The following MTA1 variants were observed in gnomAD, a reference collection of about 807,000 sequenced individuals.
MTA1 encodes metastasis-associated protein MTA1.
MTA1 carries 15 observed loss-of-function variants against 97.0 expected under a neutral mutation model. That is an observed-to-expected ratio of 0.15 (90% confidence interval 0.10 to 0.24). The LOEUF (loss-of-function observed/expected upper bound fraction) is 0.24. Among genes scored for constraint, MTA1 ranks in the 10% least tolerant of loss-of-function variants. The pLI is 1.00. For synonymous variants in MTA1, 435 were observed against 417.5 expected (o/e 1.04, Z -0.51); for missense variants, 709 against 1,015.1 (o/e 0.70, Z 4.10).
intron 1 of MTA1, among the ~76,000 whole-genome samples, chr14:105,427,186 T>C (rs1416226057): frequency 2.0e-5 from 3 of 152,270 alleles, no homozygotes; most frequent in Non-Finnish European, 2.9e-5. Context: ...TTCACACTTA[T>C]GTCACTTTCC....
chr14:105,447,253 G>A (rs1222572480), intron 3 of MTA1, among the ~76,000 whole-genome samples: 1 of 152,226 alleles, frequency 6.6e-6, no homozygotes, highest in Non-Finnish European at 1.5e-5. Flanking sequence ...CCCAGGCTGA[G>A]CGGCCGCAGT....
chr14:105,444,514 C>G (rs2141530308), intron 2 of MTA1, among the ~76,000 whole-genome samples: 1 of 151,784 alleles, frequency 6.6e-6, no homozygotes, highest in East Asian at 1.9e-4. Flanking sequence ...TTAGGTGAGG[C>G]TGGGTGCTGT....
At chr14:105,423,215 A>ATTTTTTTTTTTTT (rs1166908446) in intron 1 of MTA1, among the ~76,000 whole-genome samples, 1 of 113,580 alleles carries the variant, frequency 8.8e-6, no homozygotes. Flanking sequence ...TTTTTGTTTA[A>ATTTTTTTTTTTTT]TTTTTTTTTT....
chr14:105,430,662 G>A (rs2082151543), intron 1 of MTA1, among the ~76,000 whole-genome samples: 1 of 152,150 alleles, frequency 6.6e-6, no homozygotes, highest in African/African-American at 2.4e-5. Flanking sequence ...CATGATGCCC[G>A]TGTAGATGTT....
At chr14:105,457,865 T>C (rs2083210941) in intron 7 of MTA1, among the ~76,000 whole-genome samples, 1 of 151,900 alleles carries the variant, frequency 6.6e-6, no homozygotes, top group African/African-American at 2.4e-5. Flanking sequence ...GCGGAGGTTG[T>C]AGTGAGCCAA....
chr14:105,450,537 C>G (rs1555428427), intron 6 of MTA1, among the ~76,000 whole-genome samples: 1 of 152,168 alleles, frequency 6.6e-6, no homozygotes, highest in Non-Finnish European at 1.5e-5. Flanking sequence ...GAGTTGTGGG[C>G]CAGGAGCTTG....
chr14:105,443,270 G>A (rs760830116), intron 2 of MTA1, among the ~76,000 whole-genome samples: 11 of 152,202 alleles, frequency 7.2e-5, no homozygotes, highest in Admixed American at 6.5e-5. Flanking sequence ...GCGAAGGGGA[G>A]AGGAGATGCA....
chr14:105,452,562 T>A (rs1485225739), intron 6 of MTA1, among the ~76,000 whole-genome samples: 1 of 152,192 alleles, frequency 6.6e-6, no homozygotes, highest in Non-Finnish European at 1.5e-5. Context: ...CACTTACTGT[T>A]GTCCCAGCTA....
intron 1 of MTA1, among the ~76,000 whole-genome samples, chr14:105,430,603 C>T (rs1300422179): frequency 6.6e-6 from 1 of 152,140 alleles, no homozygotes; most frequent in Non-Finnish European, 1.5e-5. Flanking sequence ...TTGCCACAAA[C>T]CTTCAATTTG....
Position 105,420,162 on chromosome 14 carries a change from G to GC in MTA1, c.28+105dup. 2 of 589,270 alleles carry GC rather than the reference G, an allele frequency of 3.4e-6. No homozygotes were observed. Among genetic ancestry groups the GC allele is most frequent in the Non-Finnish European group, 4.2e-6 (2 of 470,898 alleles). The allele number at this position is 589,270 out of a possible 1,614,324, so 36.5% of individuals were successfully genotyped here. On this transcript the variant is annotated intron_variant, in intron 1 of 20. Coordinates refer to ENST00000331320, the MANE Select transcript of MTA1 (RefSeq NM_004689.4). The surrounding 1 kb of genome is among the most constrained non-coding windows in gnomAD (Gnocchi z 5.3). ...CGCCCCTCTGCCCCGCAGGCCCCGCGCCCCCCGCCCGCCCTCGCGGCCCCC... is the reference window on the plus strand; with the variant it reads ...CGCCCCTCTGCCCCGCAGGCCCCGCGCCCCCCCGCCCGCCCTCGCGGCCCCC...
chr14:105,469,118 G>A (rs1555433646), intron 18 of MTA1: 1 of 522,840 alleles, frequency 1.9e-6, no homozygotes, highest in South Asian at 1.5e-5. Flanking sequence ...TGCCGCTGCT[G>A]GACTGACAGC....
intron 18 of MTA1, chr14:105,467,405 G>A (rs782195690): frequency 4.6e-5 from 21 of 455,804 alleles, no homozygotes; most frequent in Middle Eastern, 3.4e-4. Flanking sequence ...CAGCAGGGCC[G>A]GTTTGGCGAC....
At chr14:105,455,418 A>C (rs2083106667) in intron 7 of MTA1, among the ~76,000 whole-genome samples, 1 of 152,156 alleles carries the variant, frequency 6.6e-6, no homozygotes. Context: ...TCCCCTTCTC[A>C]GCCCTGTCCC....
At chr14:105,436,395 T>G (rs1555424386) in intron 1 of MTA1, among the ~76,000 whole-genome samples, 2 of 152,270 alleles carry the variant, frequency 1.3e-5, no homozygotes, top group East Asian at 3.8e-4. Context: ...TATTAAGGCA[T>G]AATTTACATT....
intron 1 of MTA1, among the ~76,000 whole-genome samples, chr14:105,425,488 C>G (rs2081980042): frequency 6.6e-6 from 1 of 152,180 alleles, no homozygotes; most frequent in Non-Finnish European, 1.5e-5. Flanking sequence ...GTTGCCCAGG[C>G]TGGTCTCGAA....
At position 105,462,725 on chromosome 14, in the gene MTA1, C is replaced by T. The variant is rs1461788018; in HGVS notation, c.943-459C>T. On this transcript the variant is annotated intron_variant, in intron 10 of 20. Transcript: ENST00000331320. Reference sequence around the variant, plus strand: ...CTGTACTAAAAATACAAAAATTAGCCGGGTGTGTTGAGAGGTGCCTGTAGT... The same window carrying T: ...CTGTACTAAAAATACAAAAATTAGCTGGGTGTGTTGAGAGGTGCCTGTAGT... 3.9e-5 allele frequency among the ~76,000 whole-genome samples: 6 copies of T among 151,940 alleles called. No individual in the cohort carries two copies. In the East Asian group the frequency reaches 7.7e-4, roughly 20 times the overall value.
chr14:105,463,645 C>G lies in MTA1; in HGVS notation c.1076+94C>G. The G allele has an allele frequency of 7.6e-7, 1 of 1,315,902 alleles. No homozygotes were observed. The highest frequency in any genetic ancestry group is 2.3e-5 in the East Asian group (1 of 43,260). 81.5% of individuals were successfully genotyped at this position (1,315,902 alleles called of 1,614,324 possible). A position where few individuals can be genotyped will look rare whatever the true frequency, so the allele number is the denominator to read the frequency against. On this transcript the variant is annotated intron_variant, in intron 12 of 20. Coordinates refer to ENST00000331320, the MANE Select transcript of MTA1 (RefSeq NM_004689.4). This position sits in a 1 kb window ranked among gnomAD's most constrained non-coding sequence, Gnocchi z 5.9. ...GGGCCAGGCGGGTCCCAAGGAAACT[C>G]AAGCTCAGAGGCTGGGAAAGTTGGG...
intron 1 of MTA1, among the ~76,000 whole-genome samples, chr14:105,430,759 C>T (rs587622376): frequency 1.6e-4 from 24 of 152,076 alleles, no homozygotes; most frequent in African/African-American, 3.9e-4. Context: ...TGATGACTCA[C>T]GAGCTAAGAA....
rs782365331 is a variant in MTA1, at chr14:105,469,850, C to T, written c.1855C>T (p.Arg619Trp). The change falls in exon 20 of 21, where the codon CGG becomes TGG. Residue 619 changes from arginine to tryptophan, a missense_variant. Transcript: ENST00000331320. ...TGCACCCCCTCTGCAGGGACCAAGCCGGAACCTCCTGCTCAACGGGAAGTC... is the reference window on the plus strand; with the variant it reads ...TGCACCCCCTCTGCAGGGACCAAGCTGGAACCTCCTGCTCAACGGGAAGTC... ...HGQARHMGPS[R>W]NLLLNGKSYP... The T allele has an allele frequency of 1.4e-5, 22 of 1,606,352 alleles. No homozygotes were observed. The highest frequency in any genetic ancestry group is 2.2e-5 in the East Asian group (1 of 44,456).
Sources: gnomAD v4.1 joint callset for allele counts (sites outside exome capture counted in the v4.1 genomes callset) on GRCh38, gnomAD v4.1.1 for gene constraint, Gnocchi (gnomAD v3.1) non-coding constraint, MANE v1.5 for transcripts, NCBI Gene and HGNC (gene_info 2026-07-23, HGNC 2026-07-21) for gene names.